Variants in KDM2B observed in about 807,000 individuals in gnomAD.
KDM2B encodes the protein lysine-specific demethylase 2B.
A neutral mutation model predicts 150.0 loss-of-function variants in KDM2B; 26 were observed. The ratio of observed to expected loss-of-function variants is 0.17; its 90% CI spans 0.13 to 0.24. KDM2B has a LOEUF of 0.24. KDM2B is among the 10% of genes least tolerant of loss of function. The probability of loss-of-function intolerance (pLI) is 1.00; values close to 1 mark genes in which losing one functional copy is unlikely to be tolerated. For missense variants in KDM2B, 1,265 were observed against 1,816.9 expected (o/e 0.70, Z 5.52); for synonymous variants, 734 against 729.5 (o/e 1.01, Z -0.10).
intron 14 of KDM2B, 65 bp from the exon 15 acceptor site, chr12:121,444,601 C>CTG: frequency 7.4e-7 from 1 of 1,343,004 alleles, no homozygotes; most frequent in East Asian, 2.3e-5. Context: ...GCACAAGGCT[C>CTG]TGTGACGCCA....
Position 121,442,587 on chromosome 12 carries a change from T to C in KDM2B, c.2854A>G (p.Lys952Glu). Reference sequence around the variant, plus strand: ...CTCTGGATCTCGTGGTTGAGCTCCTTGCTCAGCTCCCTGCTCAGCTCCTTG... The same window carrying C: ...CTCTGGATCTCGTGGTTGAGCTCCTCGCTCAGCTCCCTGCTCAGCTCCTTG... ...PNKELSRELS[K>E]ELNHEIQRTE... Residue 952 changes from lysine (K) to glutamate (E), a missense_variant, in exon 19 of 23, where the codon AAG becomes GAG. By Grantham distance (56) the Lys-to-Glu change is moderately conservative. Around this residue, in one of 11 missense-constraint regions of KDM2B, gnomAD observed 418 missense variants for 402.4 expected, o/e 1.04. Coordinates refer to ENST00000377071, the MANE Select transcript of KDM2B (RefSeq NM_032590.5). This position sits in a 1 kb window ranked among gnomAD's most constrained non-coding sequence, Gnocchi z 7.7. 6.2e-7 allele frequency: 1 copy of C among 1,601,618 alleles called. No homozygotes were observed. The highest frequency in any genetic ancestry group is 8.5e-7 in the Non-Finnish European group (1 of 1,179,764).
the KDM2B span, among the ~76,000 whole-genome samples, chr12:121,421,054 A>G: frequency 6.6e-6 from 1 of 152,100 alleles, no homozygotes; most frequent in East Asian, 1.9e-4. Context: ...TTACAACCCT[A>G]ATTAAATTCC....
intron 13 of KDM2B, among the ~76,000 whole-genome samples, chr12:121,450,565 A>G (rs1877066237): frequency 6.6e-6 from 1 of 152,146 alleles, no homozygotes; most frequent in Non-Finnish European, 1.5e-5. Flanking sequence ...GGACACAGAG[A>G]AACAGGAACC....
At chr12:121,484,826 G>GA (rs1344554061) in intron 12 of KDM2B, among the ~76,000 whole-genome samples, 28 of 151,460 alleles carry the variant, frequency 1.8e-4, no homozygotes, top group African/African-American at 5.3e-4. Flanking sequence ...TCAGAAAATA[G>GA]AAAAAAAACT....
rs1413573941 is a variant in KDM2B, at chr12:121,440,061, G to A, written c.3625C>T (p.Arg1209Trp). The A allele has an allele frequency of 6.9e-6, 11 of 1,605,474 alleles. No individual in the cohort carries two copies. The highest frequency in any genetic ancestry group is 1.3e-5 in the African/African-American group (1 of 74,782). ...TCCACGATGTTCCGGAGCTTGCTCCGATTGTCCATCTGACCTGGTGGGGCA... is the reference window on the plus strand; with the variant it reads ...TCCACGATGTTCCGGAGCTTGCTCCAATTGTCCATCTGACCTGGTGGGGCA... ...TDNRPGQMDN[R>W]SKLRNIVELR... Residue 1209 changes from arginine (R) to tryptophan (W), a missense_variant, in exon 22 of 23, where the codon CGG becomes TGG. Physicochemically the swap from Arg to Trp is moderately radical, Grantham distance 101. Around this residue, in one of 11 missense-constraint regions of KDM2B, gnomAD observed 251 missense variants for 397.8 expected, o/e 0.63. Coordinates refer to ENST00000377071, the MANE Select transcript of KDM2B (RefSeq NM_032590.5).
At chr12:121,417,824 C>G in the KDM2B span, 3 of 1,614,156 alleles carry the variant, frequency 1.9e-6, no homozygotes, top group Non-Finnish European at 2.5e-6. The surrounding 1 kb of genome is among the most constrained non-coding windows in gnomAD (Gnocchi z 5.0). Flanking sequence ...TTTTTTCAAA[C>G]TATACAGCCC....
chr12:121,517,594 G>A (rs750063940), intron 9 of KDM2B, among the ~76,000 whole-genome samples: 2 of 151,388 alleles, frequency 1.3e-5, no homozygotes, highest in East Asian at 1.9e-4. Context: ...TCAACCTCCC[G>A]ATTAGCTGGG....
At chr12:121,506,396 C>T (rs1885073275) in intron 11 of KDM2B, among the ~76,000 whole-genome samples, 1 of 152,086 alleles carries the variant, frequency 6.6e-6, no homozygotes, top group Non-Finnish European at 1.5e-5. Context: ...CACCCACGTC[C>T]CCCAGGCAAG....
At position 121,575,011 on chromosome 12, in the gene KDM2B, C is replaced by T. The variant is rs114647952; in HGVS notation, c.351-418G>A. On this transcript the variant is annotated intron_variant, in intron 3 of 22. Coordinates refer to ENST00000377071, the MANE Select transcript of KDM2B (RefSeq NM_032590.5). The surrounding 1 kb of genome is among the most constrained non-coding windows in gnomAD (Gnocchi z 4.4). ...ATGAGGAGTTTTATGCAAAGTGGGA[C>T]GGACCCCTTTAAGTTCAGAGGGAAA... Among the ~76,000 whole-genome samples the T allele has an allele frequency of 1.9e-3, 297 of 152,310 alleles. 2 individuals carry two copies. Among genetic ancestry groups the T allele is most frequent in the African/African-American group, 6.8e-3 (284 of 41,562 alleles).
intron 10 of KDM2B, among the ~76,000 whole-genome samples, chr12:121,511,156 G>T (rs1885551595): frequency 6.8e-6 from 1 of 147,814 alleles, no homozygotes. Context: ...GATTACAGGT[G>T]AACCACCACA....
intron 9 of KDM2B, among the ~76,000 whole-genome samples, chr12:121,517,050 T>C (rs1555305146): frequency 6.6e-6 from 1 of 151,992 alleles, no homozygotes; most frequent in Non-Finnish European, 1.5e-5. Flanking sequence ...GGGGGAAAGA[T>C]AAATAAAAGA....
At chr12:121,498,740 G>A (rs1884223672) in intron 11 of KDM2B, among the ~76,000 whole-genome samples, 1 of 152,052 alleles carries the variant, frequency 6.6e-6, no homozygotes, top group South Asian at 2.1e-4. Context: ...TCTTTAGAGG[G>A]ATATTTAGTT....
intron 2 of KDM2B, 95 bp downstream of exon 2, chr12:121,578,707 G>C (rs1001795654): frequency 2.2e-6 from 2 of 910,966 alleles, no homozygotes; most frequent in Non-Finnish European, 1.4e-6. Context: ...AATGGGGGAC[G>C]CGGGCGCGAA....
chr12:121,446,138 G>C (rs1555290230), intron 13 of KDM2B, among the ~76,000 whole-genome samples: 1 of 152,226 alleles, frequency 6.6e-6, no homozygotes, highest in East Asian at 1.9e-4. Flanking sequence ...GCTCACGCCT[G>C]TAATCCCAGC....
chr12:121,532,087 C>A (rs1319221043), intron 8 of KDM2B, among the ~76,000 whole-genome samples: 1 of 151,806 alleles, frequency 6.6e-6, no homozygotes, highest in African/African-American at 2.4e-5. Flanking sequence ...CGCCACTGCA[C>A]CCTAGCCTGG....
chr12:121,453,052 G>A lies in KDM2B; in HGVS notation c.1959+68C>T, dbSNP rs1295456362. On this transcript the variant is annotated intron_variant, in intron 13 of 22. Coordinates refer to ENST00000377071, the MANE Select transcript of KDM2B (RefSeq NM_032590.5). The surrounding 1 kb of genome is among the most constrained non-coding windows in gnomAD (Gnocchi z 6.4). The stretch of plus-strand genomic sequence containing the variant: ...CGGAGGGGCGGCCAGAGCGAGCAGC[G>A]GTCAGACACGCGGGCCGGCACGCAG... 3.7e-6 allele frequency: 5 copies of A among 1,343,996 alleles called. No individual in the cohort carries two copies. The highest frequency in any genetic ancestry group is 1.4e-5 in the South Asian group (1 of 71,822). The allele number at this position is 1,343,996 out of a possible 1,614,324, so 83.3% of individuals were successfully genotyped here.
At chr12:121,448,655 G>A (rs1394339584) in intron 13 of KDM2B, among the ~76,000 whole-genome samples, 5 of 152,046 alleles carry the variant, frequency 3.3e-5, no homozygotes, top group Non-Finnish European at 7.4e-5. Context: ...GGATATACAC[G>A]CCATTGGTAA....
At chr12:121,569,607 T>C (rs1473577472) in intron 4 of KDM2B, among the ~76,000 whole-genome samples, 2 of 152,188 alleles carry the variant, frequency 1.3e-5, no homozygotes, top group Non-Finnish European at 2.9e-5. Flanking sequence ...AGGTCACTTA[T>C]AACAAATGTG....
chr12:121,550,834 G>A (rs1353997940), intron 4 of KDM2B, among the ~76,000 whole-genome samples: 1 of 152,020 alleles, frequency 6.6e-6, no homozygotes, highest in Non-Finnish European at 1.5e-5. Context: ...GTTTTGAGGG[G>A]TTTTCCATTT....
Sources: gnomAD v4.1 joint callset for allele counts (sites outside exome capture counted in the v4.1 genomes callset) on GRCh38, gnomAD v4.1.1 for gene constraint, gnomAD v4.1.1 regional missense constraint, Gnocchi (gnomAD v3.1) non-coding constraint, MANE v1.5 for transcripts, NCBI Gene and HGNC (gene_info 2026-07-23, HGNC 2026-07-21) for gene names.